The following GPHN variants were observed in gnomAD, a reference collection of about 807,000 sequenced individuals.
GPHN encodes the protein gephyrin.
Under a neutral mutation model 95.5 loss-of-function variants are expected in GPHN, and 17 were observed. The observed-to-expected ratio is 0.18, with a 90% CI of 0.12 to 0.27. The LOEUF (loss-of-function observed/expected upper bound fraction) is 0.27, where lower values mean the gene tolerates loss of function less well. GPHN is among the 10% of genes least tolerant of loss of function. GPHN has a pLI of 1.00. For synonymous variants in GPHN, 320 were observed against 322.5 expected, an observed-to-expected ratio of 0.99 and a Z score of 0.08; for missense variants, 660 against 978.1, an observed-to-expected ratio of 0.67 and a Z score of 4.34.
intron 9 of GPHN, among the ~76,000 whole-genome samples, chr14:66,970,241 A>G (rs906912096): frequency 6.6e-6 from 1 of 152,152 alleles, no homozygotes; most frequent in Admixed American, 6.6e-5. Context: ...ACTAATGTCT[A>G]ATACTATATT....
chr14:67,677,918 G>T, the GPHN span: 1 of 157,128 alleles, frequency 6.4e-6, no homozygotes, highest in Non-Finnish European at 1.4e-5. Context: ...TTGCAGTGTG[G>T]CCCTCTTGAA....
intron 1 of GPHN, among the ~76,000 whole-genome samples, chr14:66,556,907 A>G (rs1473621587): frequency 2.6e-5 from 4 of 152,100 alleles, no homozygotes; most frequent in Non-Finnish European, 5.9e-5. Context: ...AAAAACAAAA[A>G]CAACCTGATA....
At chr14:66,712,018 CTT>C (rs1388321919) in intron 2 of GPHN, among the ~76,000 whole-genome samples, 2 of 152,150 alleles carry the variant, frequency 1.3e-5, no homozygotes, top group African/African-American at 4.8e-5. Flanking sequence ...GGTTCCAAGT[CTT>C]TGCTATTGTG....
chr14:67,494,914 C>T, the GPHN span, among the ~76,000 whole-genome samples: 1 of 152,262 alleles, frequency 6.6e-6, no homozygotes, highest in African/African-American at 2.4e-5. Flanking sequence ...GAGTTTGAGA[C>T]CAGTCTGGGC....
the GPHN span, among the ~76,000 whole-genome samples, chr14:67,371,500 A>G: frequency 6.6e-6 from 1 of 152,174 alleles, no homozygotes; most frequent in Non-Finnish European, 1.5e-5. Flanking sequence ...ATACATTCTG[A>G]AAAATGTCTT....
chr14:67,396,199 G>A, the GPHN span, among the ~76,000 whole-genome samples: 5 of 151,718 alleles, frequency 3.3e-5, no homozygotes, highest in Non-Finnish European at 4.4e-5. Flanking sequence ...CCAGGCTGGA[G>A]TACAATGGTG....
the GPHN span, chr14:67,388,269 G>A: frequency 9.9e-6 from 16 of 1,613,320 alleles, no homozygotes; most frequent in African/African-American, 1.3e-5. Flanking sequence ...AGTGAACCAC[G>A]AAGAGAAAAC....
At chr14:66,765,949 G>A (rs2058947950) in intron 2 of GPHN, among the ~76,000 whole-genome samples, 1 of 152,138 alleles carries the variant, frequency 6.6e-6, no homozygotes, top group Non-Finnish European at 1.5e-5. Flanking sequence ...CACCTGTGGT[G>A]GAGTAGCTTC....
the GPHN span, chr14:67,387,587 C>T: frequency 1.0e-6 from 1 of 958,262 alleles, no homozygotes; most frequent in South Asian, 1.6e-5. Flanking sequence ...AAAAGGTTTA[C>T]AGTTAGAGAA....
the GPHN span, chr14:67,301,389 G>T: frequency 1.2e-6 from 2 of 1,602,410 alleles, no homozygotes; most frequent in Non-Finnish European, 1.7e-6. Context: ...TGTTTCTTAG[G>T]TACAAACTGT....
the GPHN span, among the ~76,000 whole-genome samples, chr14:67,197,853 C>T: frequency 6.6e-6 from 1 of 151,976 alleles, no homozygotes; most frequent in African/African-American, 2.4e-5. Context: ...TCATTTTTTA[C>T]TATATGTATC....
At chr14:66,630,351 T>C (rs1397753739) in intron 1 of GPHN, among the ~76,000 whole-genome samples, 3 of 152,162 alleles carry the variant, frequency 2.0e-5, no homozygotes, top group Non-Finnish European at 4.4e-5. Context: ...AAAAAGAATC[T>C]GATCACATTT....
chr14:66,843,979 T>C (rs1175565910), intron 4 of GPHN, among the ~76,000 whole-genome samples: 1 of 152,098 alleles, frequency 6.6e-6, no homozygotes, highest in Non-Finnish European at 1.5e-5. Context: ...TCCAGGGTTT[T>C]ATAAGGATAA....
chr14:67,333,810 T>G, the GPHN span: 1 of 144,400 alleles, frequency 6.9e-6, no homozygotes, highest in Non-Finnish European at 1.5e-5. Flanking sequence ...ATAATCTGTA[T>G]TGACTTAAAA....
At chr14:67,352,915 C>T in the GPHN span, 1 of 1,573,932 alleles carries the variant, frequency 6.4e-7, no homozygotes, top group South Asian at 1.1e-5. Context: ...AAGAAAAGTT[C>T]ATTCTACCTC....
chr14:66,682,119 T>C (rs1386311380), intron 2 of GPHN, among the ~76,000 whole-genome samples: 2 of 152,130 alleles, frequency 1.3e-5, no homozygotes, highest in Non-Finnish European at 2.9e-5. Flanking sequence ...AATATGAGAG[T>C]GCTGAAAATG....
chr14:66,545,325 G>A (rs1279817127), intron 1 of GPHN, among the ~76,000 whole-genome samples: 2 of 134,548 alleles, frequency 1.5e-5, no homozygotes, highest in African/African-American at 3.3e-5. Context: ...GCGGCTGGCC[G>A]GGCAGGGGGC....
chr14:67,296,586 A>C, the GPHN span, among the ~76,000 whole-genome samples: 1 of 62,820 alleles, frequency 1.6e-5, no homozygotes, highest in Non-Finnish European at 2.7e-5. Context: ...ACTCTGTCTC[A>C]AAAAAAAAAA....
At chr14:66,861,439 G>T (rs916476547) in intron 4 of GPHN, among the ~76,000 whole-genome samples, 47 of 151,996 alleles carry the variant, frequency 3.1e-4, no homozygotes, top group African/African-American at 1.1e-3. Flanking sequence ...GGCAGATCAT[G>T]CAGACAGAAA....
Sources: allele counts gnomAD v4.1 joint callset (sites outside exome capture counted in the v4.1 genomes callset), GRCh38; gene constraint gnomAD v4.1.1; transcripts MANE v1.5; gene names NCBI Gene and HGNC (gene_info 2026-07-23, HGNC 2026-07-21).